Variants in MED16 observed in about 807,000 individuals in gnomAD.
The protein encoded by MED16 is mediator complex subunit 16, also known as mediator of RNA polymerase II transcription subunit 16.
Under a neutral mutation model 84.4 loss-of-function variants are expected in MED16, and 81 were observed. The ratio of observed to expected loss-of-function variants is 0.96; its 90% CI spans 0.80 to 1.15. The LOEUF is 1.15. Among genes scored for constraint, MED16 ranks in the 50% most tolerant of loss-of-function variants. The probability of loss-of-function intolerance (pLI) is 0.00; values close to 1 mark genes in which losing one functional copy is unlikely to be tolerated. For synonymous variants in MED16, 897 were observed against 552.2 expected, an observed-to-expected ratio of 1.62 and a Z score of -8.76; for missense variants, 1,585 against 1,245.9, an observed-to-expected ratio of 1.27 and a Z score of -4.10.
chr19:890,119 GTGGGACCAGCGCCTCACCTGAC>G lies in MED16; in HGVS notation c.273_277+17del, dbSNP rs1329808793. 2.6e-6 allele frequency: 4 copies of G among 1,534,466 alleles called. No individual in the cohort carries two copies. Among genetic ancestry groups the G allele is most frequent in the African/African-American group, 1.4e-5 (1 of 72,708 alleles). ...GATCCGGGTCGCCACCCCTGGCCACGTGGGACCAGCGCCTCACCTGACTGGTCCCACTCCAGGCAGGTGATGG... is the reference window on the plus strand; with the variant it reads ...GATCCGGGTCGCCACCCCTGGCCACGTGGTCCCACTCCAGGCAGGTGATGG... On this transcript the variant is annotated splice_donor_variant and splice_donor_5th_base_variant and coding_sequence_variant and intron_variant, in exon 3 of 16. Coordinates refer to ENST00000325464, the MANE Select transcript of MED16 (RefSeq NM_005481.3). LOFTEE classifies it high-confidence loss of function.
Position 886,073 on chromosome 19 carries a change from C to T in MED16, c.576G>A (p.Leu192=). ...VTVSGLVTVS[L]LKPSGQVLTS... is the part of the protein sequence containing the mutation. ...TCAGCACCTGCCCGCTGGGCTTCAGCAGGGACACGGTGACCAGGCCGCTGA... is the reference window on the plus strand; with the variant it reads ...TCAGCACCTGCCCGCTGGGCTTCAGTAGGGACACGGTGACCAGGCCGCTGA... Residue 192 remains leucine, a synonymous_variant, in exon 5 of 16, where the codon CTG becomes CTA. Transcript: ENST00000325464. 2 of 1,595,700 alleles carry T rather than the reference C, an allele frequency of 1.3e-6. No individual in the cohort carries two copies. Among genetic ancestry groups the T allele is most frequent in the Admixed American group, 1.7e-5 (1 of 59,586 alleles).
intron 3 of MED16, 58 bp downstream of exon 3, chr19:890,079 G>A: frequency 7.6e-7 from 1 of 1,322,938 alleles, no homozygotes; most frequent in Non-Finnish European, 1.0e-6. Flanking sequence ...GAAACACAGG[G>A]CCCCCCTGCT....
chr19:869,919 A>T (rs1228794265), intron 13 of MED16, among the ~76,000 whole-genome samples: 4 of 152,158 alleles, frequency 2.6e-5, no homozygotes, highest in Admixed American at 2.6e-4. Flanking sequence ...GAGTGGGGTG[A>T]CAAGGTCCCA....
intron 10 of MED16, among the ~76,000 whole-genome samples, chr19:874,275 G>A (rs1386866854): frequency 3.9e-5 from 6 of 152,066 alleles, no homozygotes; most frequent in Non-Finnish European, 5.9e-5. Flanking sequence ...CACCACGCCC[G>A]GCTGATTTTT....
rs745890169 is a variant in MED16, at chr19:868,284, G to T, written c.2484-33C>A. ...GCGGGCTGAGGTTAACCGCGCCGAG[G>T]AGAGTCCAGGGCGAGCGGTGGCTCT... On this transcript the variant is annotated intron_variant, in intron 15 of 15. Coordinates refer to ENST00000325464, the MANE Select transcript of MED16 (RefSeq NM_005481.3). The T allele has an allele frequency of 5.7e-6, 9 of 1,589,192 alleles. No individual in the cohort carries two copies. In the East Asian group the frequency reaches 1.4e-4, roughly 24 times the overall value.
chr19:879,979 C>G lies in MED16; in HGVS notation c.1311G>C (p.Ser437=), dbSNP rs376858509. The change falls in exon 8 of 16, where the codon TCG becomes TCC. Residue 437 remains serine (S), a synonymous_variant. Coordinates refer to ENST00000325464, the MANE Select transcript of MED16 (RefSeq NM_005481.3). ...PAVHLKAMQL[S]WTSLALVGID... is the part of the protein sequence containing the mutation. Reference sequence around the variant, plus strand: ...TCCCCACCAGGGCCAGTGACGTCCACGATAGCTGCATAGCCTTTAAGTGGA... The same window carrying G: ...TCCCCACCAGGGCCAGTGACGTCCAGGATAGCTGCATAGCCTTTAAGTGGA... 6.2e-6 allele frequency: 10 copies of G among 1,608,382 alleles called. No homozygotes were observed. Among genetic ancestry groups the G allele is most frequent in the Non-Finnish European group, 7.6e-6 (9 of 1,177,962 alleles).
chr19:881,048 C>T (rs1471011088), intron 7 of MED16, among the ~76,000 whole-genome samples: 9 of 152,082 alleles, frequency 5.9e-5, no homozygotes, highest in East Asian at 3.9e-4. Flanking sequence ...GAGCCCCGAG[C>T]GGGTTTTGAT....
At position 873,523 on chromosome 19, in the gene MED16, G is replaced by A. The variant is rs369009728; in HGVS notation, c.1831C>T (p.Leu611=). The change falls in exon 11 of 16, where the codon CTG becomes TTG. Residue 611 remains leucine (L), a synonymous_variant. Coordinates refer to ENST00000325464, the MANE Select transcript of MED16 (RefSeq NM_005481.3). ...TGCAAGAGCTGCTGCAGCGCCTGCA[G>A]TGTGTTCATGTCCAGCACAAATTCC... The part of the protein sequence containing the change: ...TEEFVLDMNT[L]QALQQLLQWV... 1.2e-6 allele frequency: 2 copies of A among 1,612,340 alleles called. No homozygotes were observed. Among genetic ancestry groups the A allele is most frequent in the South Asian group, 2.2e-5 (2 of 91,086 alleles).
At chr19:886,756 C>T (rs1294756654) in intron 4 of MED16, among the ~76,000 whole-genome samples, 3 of 152,312 alleles carry the variant, frequency 2.0e-5, no homozygotes, top group Non-Finnish European at 1.5e-5. Flanking sequence ...AAACATCCAC[C>T]CTTCTTTCAA....
chr19:876,823 G>A (rs1022966292), intron 9 of MED16, 151 bp downstream of exon 9: 2 of 722,518 alleles, frequency 2.8e-6, no homozygotes, highest in Non-Finnish European at 2.2e-6. Flanking sequence ...ACTGACCACG[G>A]GGCCCCTGCC....
intron 9 of MED16, among the ~76,000 whole-genome samples, chr19:876,214 C>T (rs939179782): frequency 6.6e-6 from 1 of 152,150 alleles, no homozygotes; most frequent in African/African-American, 2.4e-5. Context: ...AGGGCTGGTC[C>T]CACGTGCAGC....
chr19:885,706 G>A (rs7253460), intron 5 of MED16, 64 bp downstream of exon 5: 1 of 1,558,736 alleles, frequency 6.4e-7, no homozygotes, highest in Non-Finnish European at 8.7e-7. Context: ...CCACCCCCAG[G>A]ACCCTGAGAA....
chr19:881,123 C>A lies in MED16; in HGVS notation c.1141+436G>T, dbSNP rs566914776. ...GGGGAAGAAAGGGCCTGAGCTAGGGCCGACTTGTCCACATTTTACAGCTGA... is the reference window on the plus strand; with the variant it reads ...GGGGAAGAAAGGGCCTGAGCTAGGGACGACTTGTCCACATTTTACAGCTGA... On this transcript the variant is annotated intron_variant, in intron 7 of 15. Coordinates refer to ENST00000325464, the MANE Select transcript of MED16 (RefSeq NM_005481.3). Among the ~76,000 whole-genome samples, 91 of 151,768 alleles carry A rather than the reference C, an allele frequency of 6.0e-4. 2 individuals are homozygous for A. The highest frequency in any genetic ancestry group is 1.1e-3 in the Non-Finnish European group (72 of 68,000).
At chr19:884,230 C>T (rs943220980) in intron 6 of MED16, among the ~76,000 whole-genome samples, 1 of 152,238 alleles carries the variant, frequency 6.6e-6, no homozygotes, top group Non-Finnish European at 1.5e-5. Context: ...AGGCCCGCAG[C>T]CTCCGAGGCT....
At chr19:871,566 C>T in intron 12 of MED16, 2 of 1,594,112 alleles carry the variant, frequency 1.3e-6, no homozygotes, top group East Asian at 2.2e-5. Flanking sequence ...ACCCTCCTCA[C>T]ATACACACAA....
At chr19:868,331 C>CTGAGGGGT in intron 15 of MED16, 80 bp from the exon 16 acceptor site, 1 of 1,539,026 alleles carries the variant, frequency 6.5e-7, no homozygotes, top group Non-Finnish European at 8.8e-7. Flanking sequence ...GGCTCAGGGG[C>CTGAGGGGT]AGCTGAGGGG....
intron 4 of MED16, among the ~76,000 whole-genome samples, chr19:888,384 T>A (rs2965293): frequency 6.7e-6 from 1 of 148,892 alleles, no homozygotes; most frequent in Non-Finnish European, 1.5e-5. Context: ...ATTAGCCAGG[T>A]GTGGTGGTGG....
chr19:871,381 G>C (rs2036050122), intron 12 of MED16, 128 bp from the exon 13 acceptor site: 5 of 1,312,672 alleles, frequency 3.8e-6, no homozygotes, highest in African/African-American at 1.5e-5. Flanking sequence ...TGCCTGGCTG[G>C]GTGACCCCGG....
At chr19:878,683 C>G (rs895585253) in intron 8 of MED16, among the ~76,000 whole-genome samples, 2 of 108,340 alleles carry the variant, frequency 1.8e-5, no homozygotes, top group Non-Finnish European at 3.9e-5. Flanking sequence ...GCCCAACAGC[C>G]CCAACCCCAC....
Sources: gnomAD v4.1 joint callset for allele counts (sites outside exome capture counted in the v4.1 genomes callset) on GRCh38, gnomAD v4.1.1 for gene constraint, MANE v1.5 for transcripts, NCBI Gene and HGNC (gene_info 2026-07-23, HGNC 2026-07-21) for gene names.